The following NCAM2 variants were observed in gnomAD, a reference collection of about 807,000 sequenced individuals.
NCAM2 encodes the protein neural cell adhesion molecule 2.
Under a neutral mutation model 98.1 loss-of-function variants are expected in NCAM2, and 30 were observed. The observed-to-expected ratio is 0.31, with a 90% CI of 0.23 to 0.41. NCAM2 has a LOEUF of 0.41. Among genes scored for constraint, NCAM2 ranks in the 10% least tolerant of loss-of-function variants. The probability of loss-of-function intolerance (pLI) is 1.00; values close to 1 mark genes in which losing one functional copy is unlikely to be tolerated. For missense variants in NCAM2, 867 were observed against 1,005.8 expected, an observed-to-expected ratio of 0.86 and a Z score of 1.87; for synonymous variants, 368 against 342.4, an observed-to-expected ratio of 1.07 and a Z score of -0.83.
At chr21:21,357,840 T>G (rs232483) in intron 8 of NCAM2, among the ~76,000 whole-genome samples, 54,426 of 151,922 alleles carry the variant, frequency 0.36, 9,954 homozygotes, top group East Asian at 0.58. Context: ...GTCAAAGAGA[T>G]AAGTTTAATA....
intron 1 of NCAM2, among the ~76,000 whole-genome samples, chr21:21,048,499 G>C (rs1031243985): frequency 2.0e-5 from 3 of 152,038 alleles, no homozygotes; most frequent in Admixed American, 1.3e-4. Flanking sequence ...GACTACAGGT[G>C]CCCGCCACAC....
Position 21,537,872 on chromosome 21 carries a change from G to T in NCAM2, c.2429G>T (p.Gly810Val). ...PEKLPLKEEDGKEALNPETIE... is the reference protein window; with the variant it reads ...PEKLPLKEEDVKEALNPETIE... ...AAATTGCCTTTAAAGGAAGAAGATG[G>T]GAAAGAAGCTCTAAATCCAGAAACT... The change falls in exon 18 of 18, where the codon GGG (glycine) becomes GTG (valine). Residue 810 changes from glycine to valine, a missense_variant. Around this residue, in one of 5 missense-constraint regions of NCAM2, gnomAD observed 125 missense variants for 116.1 expected, o/e 1.08. Transcript: ENST00000400546. 1 of 1,566,780 alleles carries T rather than the reference G, an allele frequency of 6.4e-7. No individual in the cohort carries two copies. The highest frequency in any genetic ancestry group is 8.7e-7 in the Non-Finnish European group (1 of 1,154,676).
At chr21:21,407,941 A>G (rs950752802) in intron 9 of NCAM2, among the ~76,000 whole-genome samples, 4 of 152,162 alleles carry the variant, frequency 2.6e-5, no homozygotes, top group African/African-American at 9.7e-5. Context: ...TAGATTCTTC[A>G]TGTCCCTGGC....
At chr21:21,181,077 A>G (rs1473708682) in intron 1 of NCAM2, among the ~76,000 whole-genome samples, 2 of 152,232 alleles carry the variant, frequency 1.3e-5, no homozygotes, top group East Asian at 1.9e-4. Flanking sequence ...TACTGATCAA[A>G]CTATACATTT....
At chr21:21,104,689 C>G (rs1417421832) in intron 1 of NCAM2, among the ~76,000 whole-genome samples, 1 of 151,978 alleles carries the variant, frequency 6.6e-6, no homozygotes, top group Admixed American at 6.6e-5. Flanking sequence ...CGGTGGGGTG[C>G]ATTAGCAAGG....
At chr21:21,348,957 A>G (rs573738261) in intron 8 of NCAM2, among the ~76,000 whole-genome samples, 1 of 152,248 alleles carries the variant, frequency 6.6e-6, no homozygotes, top group South Asian at 2.1e-4. Context: ...AAAGACTTAA[A>G]TCTAAGACCT....
intron 15 of NCAM2, among the ~76,000 whole-genome samples, chr21:21,495,362 T>C (rs1987149549): frequency 6.6e-6 from 1 of 151,986 alleles, no homozygotes; most frequent in East Asian, 1.9e-4. Context: ...GAGTTCTCAT[T>C]CTTATATGGT....
At chr21:21,178,201 A>G (rs957516969) in intron 1 of NCAM2, among the ~76,000 whole-genome samples, 3 of 152,134 alleles carry the variant, frequency 2.0e-5, no homozygotes, top group African/African-American at 7.2e-5. Context: ...CAAAGCAACT[A>G]ATCTGGATGA....
intron 14 of NCAM2, among the ~76,000 whole-genome samples, chr21:21,473,372 A>AT (rs1350950258): frequency 2.9e-5 from 3 of 102,258 alleles, no homozygotes; most frequent in African/African-American, 8.9e-5. Flanking sequence ...ATATATGTAT[A>AT]AATATATATA....
chr21:21,372,263 T>C (rs2075935208), intron 8 of NCAM2, among the ~76,000 whole-genome samples: 1 of 151,800 alleles, frequency 6.6e-6, no homozygotes, highest in African/African-American at 2.4e-5. Context: ...AACCATATTA[T>C]AAAAATATTG....
chr21:21,108,407 T>A (rs1397648723), intron 1 of NCAM2, among the ~76,000 whole-genome samples: 1 of 152,060 alleles, frequency 6.6e-6, no homozygotes, highest in African/African-American at 2.4e-5. Context: ...GCACTTTCAA[T>A]TTTGAAGCTG....
chr21:21,374,939 T>A (rs1408255336), intron 9 of NCAM2, among the ~76,000 whole-genome samples: 1 of 151,562 alleles, frequency 6.6e-6, no homozygotes, highest in Non-Finnish European at 1.5e-5. Context: ...TTATTTTACA[T>A]TTTATAGACT....
At chr21:21,319,633 T>A (rs944661523) in intron 5 of NCAM2, among the ~76,000 whole-genome samples, 1 of 151,982 alleles carries the variant, frequency 6.6e-6, no homozygotes, top group African/African-American at 2.4e-5. Flanking sequence ...AGAGTGAGAC[T>A]CCATAAGAAC....
chr21:21,372,035 G>A (rs232514), intron 8 of NCAM2, among the ~76,000 whole-genome samples: 54,296 of 151,560 alleles, frequency 0.36, 9,933 homozygotes, highest in East Asian at 0.58. Flanking sequence ...CACCTCAAAT[G>A]TGCTGTGAAC....
intron 16 of NCAM2, among the ~76,000 whole-genome samples, chr21:21,525,047 T>A (rs2146399710): frequency 6.6e-6 from 1 of 152,166 alleles, no homozygotes. Flanking sequence ...ATACATATAT[T>A]AGAATATAAG....
chr21:21,346,964 A>T (rs2075207023), intron 8 of NCAM2, among the ~76,000 whole-genome samples: 1 of 152,024 alleles, frequency 6.6e-6, no homozygotes, highest in South Asian at 2.1e-4. Context: ...TAAATCATAA[A>T]GAATGGAAAA....
intron 15 of NCAM2, among the ~76,000 whole-genome samples, chr21:21,498,960 T>C (rs985364894): frequency 6.6e-6 from 1 of 152,086 alleles, no homozygotes; most frequent in African/African-American, 2.4e-5. Context: ...CAAAGTCATA[T>C]ATGAGTGACA....
At chr21:21,354,980 T>C (rs2147960232) in intron 8 of NCAM2, among the ~76,000 whole-genome samples, 1 of 152,316 alleles carries the variant, frequency 6.6e-6, no homozygotes, top group South Asian at 2.1e-4. Context: ...GCATAATTTG[T>C]AATCAAAATA....
At chr21:21,265,595 G>T (rs1015207528) in intron 1 of NCAM2, among the ~76,000 whole-genome samples, 5 of 150,048 alleles carry the variant, frequency 3.3e-5, no homozygotes, top group Admixed American at 2.7e-4. Flanking sequence ...TAAAAAAAAT[G>T]CAGTCATGTC....
Sources: allele counts gnomAD v4.1 joint callset (sites outside exome capture counted in the v4.1 genomes callset), GRCh38; gene constraint gnomAD v4.1.1; regional missense constraint gnomAD v4.1.1; transcripts MANE v1.5; gene names NCBI Gene and HGNC (gene_info 2026-07-23, HGNC 2026-07-21).